Variants in MAP3K3 observed in about 807,000 individuals in gnomAD.
MAP3K3 encodes the protein MAP/ERK kinase kinase 3.
MAP3K3 carries 12 observed loss-of-function variants against 80.9 expected under a neutral mutation model. That is an observed-to-expected ratio of 0.15 (90% CI 0.10 to 0.24). MAP3K3 has a LOEUF of 0.24. MAP3K3 is among the 10% of genes least tolerant of loss of function. The pLI, the probability that MAP3K3 is intolerant of heterozygous loss-of-function variation, is 1.00. For synonymous variants in MAP3K3, 272 were observed against 307.1 expected (o/e 0.89, Z 1.19); for missense variants, 596 against 834.7 (o/e 0.71, Z 3.52).
intron 3 of MAP3K3, among the ~76,000 whole-genome samples, chr17:63,650,177 T>A (rs1001983912): frequency 1.2e-4 from 19 of 152,254 alleles, no homozygotes; most frequent in African/African-American, 4.3e-4. Context: ...TTACAATTCT[T>A]CTGTGAATTG....
At position 63,691,289 on chromosome 17, in the gene MAP3K3, G is replaced by T. The variant is rs2035585223; in HGVS notation, c.1344+56G>T. 8 of 1,610,046 alleles carry T rather than the reference G, an allele frequency of 5.0e-6. No individual in the cohort carries two copies. On this transcript the variant is annotated intron_variant, in intron 13 of 15. Coordinates refer to ENST00000361733, the MANE Select transcript of MAP3K3 (RefSeq NM_002401.5). This position sits in a 1 kb window ranked among gnomAD's most constrained non-coding sequence, Gnocchi z 4.8. ...ACACAAAAGAGGGCCTGACCTGGGG[G>T]CTGGGGCCTGCAGGAGGGGGGTCAC... is the stretch of plus-strand genomic sequence containing the variant.
chr17:63,691,750 G>A lies in MAP3K3; in HGVS notation c.1362G>A (p.Gln454=). ...GCCTCCAGGGCTCGGTGAAAGACCA[G>A]TTGAAGGCTTACGGTGCTCTGACAG... The part of the protein sequence containing the change: ...EYMPGGSVKD[Q]LKAYGALTES... Residue 454 remains glutamine, a synonymous_variant, in exon 14 of 16, where the codon CAG becomes CAA. Coordinates refer to ENST00000361733, the MANE Select transcript of MAP3K3 (RefSeq NM_002401.5). This position sits in a 1 kb window ranked among gnomAD's most constrained non-coding sequence, Gnocchi z 4.8. 1 of 1,614,028 alleles carries A rather than the reference G, an allele frequency of 6.2e-7. No individual in the cohort carries two copies. Among genetic ancestry groups the A allele is most frequent in the Non-Finnish European group, 8.5e-7 (1 of 1,179,940 alleles).
intron 5 of MAP3K3, among the ~76,000 whole-genome samples, chr17:63,661,757 G>T (rs992124458): frequency 7.9e-5 from 12 of 152,200 alleles, no homozygotes; most frequent in African/African-American, 2.9e-4. Context: ...GACAGGTGCA[G>T]GAAGATAAAA....
intron 5 of MAP3K3, among the ~76,000 whole-genome samples, chr17:63,664,812 C>T (rs946068719): frequency 6.6e-6 from 1 of 152,180 alleles, no homozygotes; most frequent in African/African-American, 2.4e-5. Flanking sequence ...GGCATAGTCC[C>T]ACCTTCCTCC....
Position 63,681,784 on chromosome 17 carries a change from G to A in MAP3K3, c.521G>A (p.Arg174Gln). The change falls in exon 7 of 16, where the codon CGA (arginine) becomes CAA (glutamine). Residue 174 changes from arginine to glutamine, a missense_variant. By Grantham distance (43) the Arg-to-Gln change is conservative. This residue lies in a region of MAP3K3 where 232 missense variants were observed against 245.8 expected (regional missense o/e 0.94). Transcript: ENST00000361733. ...HLSVSSQNPG[R>Q]SSPPPGYVPE... is the part of the protein sequence containing the mutation. Reference sequence around the variant, plus strand: ...GCTCTAGGCTCCCAGAACCCTGGCCGAAGCTCACCTCCCCCTGGCTATGTT... The same window carrying A: ...GCTCTAGGCTCCCAGAACCCTGGCCAAAGCTCACCTCCCCCTGGCTATGTT... 1.3e-6 allele frequency: 2 copies of A among 1,521,566 alleles called. No individual in the cohort carries two copies. The highest frequency in any genetic ancestry group is 1.8e-6 in the Non-Finnish European group (2 of 1,129,382). The allele number at this position is 1,521,566 out of a possible 1,614,324, so 94.3% of individuals were successfully genotyped here.
chr17:63,690,743 G>C (rs1277953328), intron 12 of MAP3K3: 1 of 439,948 alleles, frequency 2.3e-6, no homozygotes, highest in African/African-American at 2.0e-5. Context: ...GGAAGGAGCT[G>C]TGGGGCTCCT....
At position 63,689,032 on chromosome 17, in the gene MAP3K3, CA is replaced by C. The variant is rs201610357; in HGVS notation, c.871+156del. The C allele has an allele frequency of 2.8e-3, 1,725 of 617,504 alleles. 28 individuals are homozygous for C. In the African/African-American group the frequency reaches 0.029, roughly 10 times the overall value. The allele number at this position is 617,504 out of a possible 1,614,324, so 38.3% of individuals were successfully genotyped here. A position where few individuals can be genotyped will look rare whatever the true frequency, so the allele number is the denominator to read the frequency against. ...TGAGGCATGGGAGACAGGAAAAAAA[CA>C]AAAACAAAAACAGGGAAGATAGTAT... is the stretch of plus-strand genomic sequence containing the variant. On this transcript the variant is annotated intron_variant, in intron 10 of 15. Coordinates refer to ENST00000361733, the MANE Select transcript of MAP3K3 (RefSeq NM_002401.5). This position sits in a 1 kb window ranked among gnomAD's most constrained non-coding sequence, Gnocchi z 4.3.
intron 1 of MAP3K3, among the ~76,000 whole-genome samples, chr17:63,624,674 A>G (rs527851837): frequency 1.3e-5 from 2 of 152,242 alleles, no homozygotes; most frequent in Admixed American, 1.3e-4. Flanking sequence ...CACATGTAAA[A>G]GGAACATGCA....
In MAP3K3 at chr17:63,695,301, GTTAA is replaced by G. The variant is rs1190255701; in HGVS notation, c.*1527_*1530del. The G allele has an allele frequency of 6.6e-6, 1 of 152,630 alleles. No homozygotes were observed. Among genetic ancestry groups the G allele is most frequent in the Non-Finnish European group, 1.5e-5 (1 of 68,046 alleles). 9.5% of individuals were successfully genotyped at this position (152,630 alleles called of 1,614,324 possible). ...TCATGTAATGTGAGGCCTTGTACTT[GTTAA>G]TTTATATCTCAGATCATATTTGATG... On this transcript the variant is annotated 3_prime_UTR_variant, in exon 16 of 16. Transcript: ENST00000361733. The surrounding 1 kb of genome is among the most constrained non-coding windows in gnomAD (Gnocchi z 4.1).
intron 1 of MAP3K3, among the ~76,000 whole-genome samples, chr17:63,622,968 C>T (rs918059448): frequency 1.8e-4 from 26 of 147,878 alleles, no homozygotes; most frequent in Non-Finnish European, 2.1e-4. Context: ...GGCGGCCCGG[C>T]CGGCAGAGCC....
chr17:63,638,168 A>G (rs2034370187), intron 2 of MAP3K3, among the ~76,000 whole-genome samples: 1 of 152,242 alleles, frequency 6.6e-6, no homozygotes, highest in Non-Finnish European at 1.5e-5. Context: ...CGTCTCTTCC[A>G]CTGATCTCCT....
chr17:63,667,967 C>T (rs780436582), intron 6 of MAP3K3, among the ~76,000 whole-genome samples: 7 of 150,898 alleles, frequency 4.6e-5, no homozygotes, highest in Non-Finnish European at 8.8e-5. Flanking sequence ...CTTGTTAACC[C>T]AGGATTCCTG....
At chr17:63,658,025 A>G in intron 5 of MAP3K3, 118 bp downstream of exon 5, 2 of 546,158 alleles carry the variant, frequency 3.7e-6, no homozygotes, top group Admixed American at 3.1e-5. Flanking sequence ...TTGAGAGCAT[A>G]AGCACAGCAC....
In MAP3K3 at chr17:63,691,655, A is replaced by G. The variant is rs2035593231; in HGVS notation, c.1345-78A>G. ...TTGAACAAATCACTCCTTTGCTGCCATGCTGGGGGCTGGAATGGGCTTGCC... is the reference window on the plus strand; with the variant it reads ...TTGAACAAATCACTCCTTTGCTGCCGTGCTGGGGGCTGGAATGGGCTTGCC... On this transcript the variant is annotated intron_variant, in intron 13 of 15. Coordinates refer to ENST00000361733, the MANE Select transcript of MAP3K3 (RefSeq NM_002401.5). The surrounding 1 kb of genome is among the most constrained non-coding windows in gnomAD (Gnocchi z 4.8). The G allele has an allele frequency of 1.9e-6, 3 of 1,558,374 alleles. No homozygotes were observed. Among genetic ancestry groups the G allele is most frequent in the Non-Finnish European group, 2.6e-6 (3 of 1,146,310 alleles).
chr17:63,685,681 G>T (rs770382809), intron 8 of MAP3K3, 91 bp downstream of exon 8: 3 of 1,000,558 alleles, frequency 3.0e-6, no homozygotes, highest in Admixed American at 3.5e-5. Context: ...GAGGCCCAGG[G>T]TTAAAACATC....
intron 2 of MAP3K3, among the ~76,000 whole-genome samples, chr17:63,633,019 G>A (rs564000954): frequency 3.3e-5 from 5 of 152,278 alleles, no homozygotes; most frequent in African/African-American, 1.2e-4. Flanking sequence ...CCTGAAGTCA[G>A]TAGTTTGAGA....
chr17:63,667,190 A>G, intron 6 of MAP3K3, 130 bp downstream of exon 6: 3 of 1,014,880 alleles, frequency 3.0e-6, no homozygotes, highest in Non-Finnish European at 4.1e-6. Context: ...GTAATCCTTT[A>G]TGCCTTTATT....
intron 2 of MAP3K3, chr17:63,637,116 C>G (rs897152491): frequency 3.2e-5 from 12 of 376,072 alleles, no homozygotes; most frequent in African/African-American, 8.7e-5. Context: ...AGGTCTGAAG[C>G]CTTAGAGTGT....
chr17:63,630,623 A>G lies in MAP3K3; in HGVS notation c.5-2058A>G, dbSNP rs938329642. Among the ~76,000 whole-genome samples, 4 of 152,140 alleles carry G rather than the reference A, an allele frequency of 2.6e-5. No homozygotes were observed. The East Asian group carries it at 5.8e-4, about 22-fold the overall frequency. ...ATTACAGGCATGAGCCACCCTGTCC[A>G]GCCAGGTTCCCTTCTTTAAAGAAGC... On this transcript the variant is annotated intron_variant, in intron 1 of 15. Transcript: ENST00000361733.
Sources: gnomAD v4.1 joint callset for allele counts (sites outside exome capture counted in the v4.1 genomes callset) on GRCh38, gnomAD v4.1.1 for gene constraint, gnomAD v4.1.1 regional missense constraint, Gnocchi (gnomAD v3.1) non-coding constraint, MANE v1.5 for transcripts, NCBI Gene and HGNC (gene_info 2026-07-23, HGNC 2026-07-21) for gene names.